Variants in BCL9L observed in about 807,000 individuals in gnomAD.
BCL9L encodes the protein B-cell CLL/lymphoma 9-like protein.
In BCL9L, 19 loss-of-function variants were observed where a neutral mutation model predicts 99.4. That is an observed-to-expected ratio of 0.19 (90% confidence interval 0.13 to 0.28). The LOEUF (loss-of-function observed/expected upper bound fraction) is 0.28, where lower values mean the gene tolerates loss of function less well. Ranked by LOEUF, BCL9L falls within the 10% of genes least tolerant of loss-of-function variation. The pLI, the probability that BCL9L is intolerant of heterozygous loss-of-function variation, is 1.00. For synonymous variants in BCL9L, 900 were observed against 854.8 expected, an observed-to-expected ratio of 1.05 and a Z score of -0.92; for missense variants, 2,023 against 2,101.6, an observed-to-expected ratio of 0.96 and a Z score of 0.73.
rs766508180 is a variant in BCL9L, at chr11:118,899,473, T to G, written c.3442A>C (p.Asn1148His). ...ATAGGGCTCTGGGCAGCGGCTGAGT[T>G]CAGGTGCATCTGGCTGGGCTGGCTG... ...SNSQPSQMHL[N>H]SAAAQSPMGM... Residue 1148 changes from asparagine to histidine, a missense_variant, in exon 10 of 10, where the codon AAC becomes CAC. By Grantham distance (68) the Asn-to-His change is moderately conservative (BLOSUM62 1). Transcript: ENST00000683865. 2 of 1,608,874 alleles carry G rather than the reference T, an allele frequency of 1.2e-6. No individual in the cohort carries two copies. Among genetic ancestry groups the G allele is most frequent in the Admixed American group, 3.4e-5 (2 of 59,498 alleles).
chr11:118,902,880 G>A lies in BCL9L; in HGVS notation c.863C>T (p.Pro288Leu), dbSNP rs547058309. 1.0e-5 allele frequency: 16 copies of A among 1,561,100 alleles called. No homozygotes were observed. The highest frequency in any genetic ancestry group is 1.3e-5 in the African/African-American group (1 of 74,294). Reference protein sequence around the residue: ...QAPKVPPTPEPLPLSTPSAGT... With the variant: ...QAPKVPPTPELLPLSTPSAGT... ...TGCTGACGGCGTGCTCAGGGGTAGC[G>A]GTTCTGGGGTGGGGGGCACTTTAGG... is the stretch of plus-strand genomic sequence containing the variant. Residue 288 changes from proline to leucine, a missense_variant, in exon 8 of 10, where the codon CCG (proline) becomes CTG (leucine). Physicochemically the swap from Pro to Leu is moderately conservative, Grantham distance 98. This residue lies in a region of BCL9L where 1,116 missense variants were observed against 1,194.6 expected (regional missense o/e 0.93). Transcript: ENST00000683865. This position sits in a 1 kb window ranked among gnomAD's most constrained non-coding sequence, Gnocchi z 7.8.
chr11:118,913,418 C>A (rs771944230), intron 2 of BCL9L, among the ~76,000 whole-genome samples: 1 of 152,150 alleles, frequency 6.6e-6, no homozygotes, highest in African/African-American at 2.4e-5. Context: ...AGTGGCATTG[C>A]TTGGACAGGC....
In BCL9L at chr11:118,922,474, G is replaced by C. The variant is rs1488789830; in HGVS notation, c.-131+2764C>G. The stretch of plus-strand genomic sequence containing the variant: ...GTTCCCTGAGGGCAGCCCCCACGGT[G>C]TGTTTGTGGGTGGGCAGCTGTCGGG... On this transcript the variant is annotated intron_variant, in intron 1 of 9. Coordinates refer to ENST00000683865, the MANE Select transcript of BCL9L (RefSeq NM_001378213.1). This position sits in a 1 kb window ranked among gnomAD's most constrained non-coding sequence, Gnocchi z 6.2. 1.3e-5 allele frequency among the ~76,000 whole-genome samples: 2 copies of C among 152,212 alleles called. No homozygotes were observed. Among genetic ancestry groups the C allele is most frequent in the Admixed American group, 1.3e-4 (2 of 15,292 alleles).
chr11:118,903,585 T>A lies in BCL9L; in HGVS notation c.533-133A>T. 5 of 1,012,204 alleles carry A rather than the reference T, an allele frequency of 4.9e-6. No homozygotes were observed. The highest frequency in any genetic ancestry group is 7.5e-6 in the Non-Finnish European group (5 of 667,458). The allele number at this position is 1,012,204 out of a possible 1,614,324, so 62.7% of individuals were successfully genotyped here. A position where few individuals can be genotyped will look rare whatever the true frequency, so the allele number is the denominator to read the frequency against. ...GACATTTGATGTCAGTATCTGGTGT[T>A]CTCACCAGGCTGGTTTCCACGATGG... On this transcript the variant is annotated intron_variant, in intron 5 of 9. Coordinates refer to ENST00000683865, the MANE Select transcript of BCL9L (RefSeq NM_001378213.1). The surrounding 1 kb of genome is among the most constrained non-coding windows in gnomAD (Gnocchi z 5.6).
chr11:118,912,861 C>T (rs1300419635), intron 2 of BCL9L, among the ~76,000 whole-genome samples: 1 of 152,174 alleles, frequency 6.6e-6, no homozygotes, highest in Non-Finnish European at 1.5e-5. Flanking sequence ...CTGCTGGGGA[C>T]AACAGGGCGA....
chr11:118,910,950 G>C (rs1591994175), intron 2 of BCL9L: 1 of 237,716 alleles, frequency 4.2e-6, no homozygotes. Flanking sequence ...AAGCGCCGCC[G>C]GAGCGGGAGG....
At chr11:118,911,358 G>C (rs1288858764) in intron 2 of BCL9L, 52 of 427,244 alleles carry the variant, frequency 1.2e-4, no homozygotes, top group South Asian at 2.2e-4. Context: ...GGGTGAGGGG[G>C]CCCCACCTGC....
Position 118,908,400 on chromosome 11 carries a change from C to T in BCL9L, c.282G>A (p.Leu94=). 6.2e-7 allele frequency: 1 copy of T among 1,614,036 alleles called. No homozygotes were observed. The highest frequency in any genetic ancestry group is 2.2e-5 in the East Asian group (1 of 44,878). ...GGGGCACCCCTGCCTGGGGGTTCTT[C>T]AGACTTGAGTTGCTAGGCGAGATCT... ...ANQISPSNSS[L]KNPQAGVPPF... The change falls in exon 4 of 10, where the codon CTG becomes CTA. Residue 94 remains leucine, a synonymous_variant. Coordinates refer to ENST00000683865, the MANE Select transcript of BCL9L (RefSeq NM_001378213.1).
intron 5 of BCL9L, among the ~76,000 whole-genome samples, chr11:118,905,267 G>GA (rs1319046580): frequency 1.3e-5 from 2 of 152,176 alleles, no homozygotes; most frequent in African/African-American, 2.4e-5. Flanking sequence ...CTAACACTTT[G>GA]GGAGGCCGAG....
intron 2 of BCL9L, among the ~76,000 whole-genome samples, chr11:118,917,313 C>T (rs1324093502): frequency 6.6e-6 from 1 of 152,146 alleles, no homozygotes; most frequent in African/African-American, 2.4e-5. Flanking sequence ...GGAGGATCAC[C>T]AACATTTATT....
chr11:118,919,813 T>C (rs1205667395), intron 1 of BCL9L, among the ~76,000 whole-genome samples: 27 of 152,200 alleles, frequency 1.8e-4, no homozygotes, highest in Admixed American at 1.8e-3. Context: ...CATGGCCCCG[T>C]CTGGCACTGC....
In BCL9L at chr11:118,903,605, C is replaced by T. The variant is rs937537029; in HGVS notation, c.533-153G>A. ...GGTGTTCTCACCAGGCTGGTTTCCA[C>T]GATGGCAAGAGTGGTGACCATGTGG... is the stretch of plus-strand genomic sequence containing the variant. On this transcript the variant is annotated intron_variant, in intron 5 of 9. Transcript: ENST00000683865. This position sits in a 1 kb window ranked among gnomAD's most constrained non-coding sequence, Gnocchi z 5.6. 1.5e-4 allele frequency among the ~76,000 whole-genome samples: 23 copies of T among 152,184 alleles called. No individual in the cohort carries two copies. Among genetic ancestry groups the T allele is most frequent in the African/African-American group, 4.3e-4 (18 of 41,436 alleles).
At position 118,899,320 on chromosome 11, in the gene BCL9L, G is replaced by C; in HGVS notation, c.3595C>G (p.Gln1199Glu). The part of the protein sequence containing the change: ...PNAQGTGGPP[Q>E]NSMMMAPGGP... ...CCTGGGGCCATCATCATGGAGTTTT[G>C]AGGGGGCCCCCCTGTCCCCTGTGCG... The change falls in exon 10 of 10, where the codon CAA (glutamine) becomes GAA (glutamate). Residue 1199 changes from glutamine to glutamate, a missense_variant. Physicochemically the swap from Gln to Glu is conservative, Grantham distance 29. Coordinates refer to ENST00000683865, the MANE Select transcript of BCL9L (RefSeq NM_001378213.1). The C allele has an allele frequency of 6.4e-7, 1 of 1,554,748 alleles. No homozygotes were observed. Among genetic ancestry groups the C allele is most frequent in the Non-Finnish European group, 8.7e-7 (1 of 1,150,784 alleles).
chr11:118,898,048 T>G lies in BCL9L; in HGVS notation c.*367A>C. 1 of 429,064 alleles carries G rather than the reference T, an allele frequency of 2.3e-6. No individual in the cohort carries two copies. Among genetic ancestry groups the G allele is most frequent in the Non-Finnish European group, 4.4e-6 (1 of 227,720 alleles). 26.6% of individuals were successfully genotyped at this position (429,064 alleles called of 1,614,324 possible). A position where few individuals can be genotyped will look rare whatever the true frequency, so the allele number is the denominator to read the frequency against. ...GGGCTGGGGGAGACCTGACCTGTCC[T>G]TCCTCTCTCCCCCCAGATTCCCATC... On this transcript the variant is annotated 3_prime_UTR_variant, in exon 10 of 10. Coordinates refer to ENST00000683865, the MANE Select transcript of BCL9L (RefSeq NM_001378213.1).
chr11:118,901,712 C>G lies in BCL9L; in HGVS notation c.2031G>C (p.Glu677Asp). 1 of 1,613,630 alleles carries G rather than the reference C, an allele frequency of 6.2e-7. No homozygotes were observed. The highest frequency in any genetic ancestry group is 8.5e-7 in the Non-Finnish European group (1 of 1,179,906). The change falls in exon 8 of 10, where the codon GAG (glutamate) becomes GAC (aspartate). Residue 677 changes from glutamate (E) to aspartate (D), a missense_variant. Glu to Asp is a conservative substitution (Grantham distance 45). Transcript: ENST00000683865. This position sits in a 1 kb window ranked among gnomAD's most constrained non-coding sequence, Gnocchi z 6.6. ...TCTCCAGCAGCTGGTGCCGCAGCAGCTCCTCACGGACCCGGGGAGTCATGA... is the reference window on the plus strand; with the variant it reads ...TCTCCAGCAGCTGGTGCCGCAGCAGGTCCTCACGGACCCGGGGAGTCATGA... Reference protein sequence around the residue: ...ERFMTPRVREELLRHQLLEKR... With the variant: ...ERFMTPRVREDLLRHQLLEKR...
chr11:118,919,220 C>T (rs1169641520), intron 1 of BCL9L, among the ~76,000 whole-genome samples: 9 of 150,622 alleles, frequency 6.0e-5, no homozygotes, highest in Non-Finnish European at 8.9e-5. Flanking sequence ...CTTGGCCCCA[C>T]GGGGAGGAGG....
At chr11:118,908,756 G>T (rs1940647188) in intron 3 of BCL9L, 101 bp from the exon 4 acceptor site, 1 of 972,510 alleles carries the variant, frequency 1.0e-6, no homozygotes, top group Non-Finnish European at 1.5e-6. Flanking sequence ...AATGGGGGAG[G>T]GTGGGGGGAA....
In BCL9L at chr11:118,898,496, G is replaced by T. The variant is rs773975139; in HGVS notation, c.4419C>A (p.Pro1473=). 1.2e-6 allele frequency: 2 copies of T among 1,602,076 alleles called. No homozygotes were observed. The highest frequency in any genetic ancestry group is 1.7e-5 in the Admixed American group (1 of 59,576). Residue 1473 remains proline, a synonymous_variant, in exon 10 of 10, where the codon CCC becomes CCA. Transcript: ENST00000683865. ...CCAGGGACACACTGCGCTGCCGAAG[G>T]GGGTGGGACACCATGAGGTTCTGCT... ...PPQQNLMVSH[P]LRQRSVSLDS...
At chr11:118,912,852 T>C (rs920361390) in intron 2 of BCL9L, among the ~76,000 whole-genome samples, 1 of 152,176 alleles carries the variant, frequency 6.6e-6, no homozygotes. Context: ...CCCAGGACCC[T>C]GCTGGGGACA....
Sources: allele counts gnomAD v4.1 joint callset (sites outside exome capture counted in the v4.1 genomes callset), GRCh38; gene constraint gnomAD v4.1.1; regional missense constraint gnomAD v4.1.1; non-coding constraint Gnocchi (gnomAD v3.1); transcripts MANE v1.5; gene names NCBI Gene and HGNC (gene_info 2026-07-23, HGNC 2026-07-21).